The following GET1 variants were observed in gnomAD, a reference collection of about 807,000 sequenced individuals.
The protein encoded by GET1 is congenital heart disease 5 protein.
In GET1, 20 loss-of-function variants were observed where a neutral mutation model predicts 22.6. The observed-to-expected ratio is 0.89, with a 90% CI of 0.62 to 1.29. GET1 has a LOEUF of 1.29. Ranked by LOEUF, GET1 falls within the 50% of genes most tolerant of loss-of-function variation. The pLI is 0.00. For synonymous variants in GET1, 92 were observed against 83.8 expected (o/e 1.10, Z -0.53); for missense variants, 209 against 219.9 (o/e 0.95, Z 0.31).
chr21:39,404,071 A>G (rs902041464), intron 4 of GET1, among the ~76,000 whole-genome samples: 2 of 152,212 alleles, frequency 1.3e-5, no homozygotes, highest in Non-Finnish European at 2.9e-5. Context: ...TACAGTTAAT[A>G]TTACACACCA....
rs894127716 is a variant in GET1 at position 39,393,270 on chromosome 21, T to C, written c.441T>C (p.Thr147=). 1.2e-6 allele frequency: 2 copies of C among 1,613,684 alleles called. No individual in the cohort carries two copies. The highest frequency in any genetic ancestry group is 2.7e-5 in the African/African-American group (2 of 74,910). The part of the protein sequence containing the change: ...TPLDRLVAFP[T]RVAGGVGITC... ...TAGACCGCCTGGTAGCCTTTCCTAC[T>C]AGAGTAGCAGGTAAGAATTTTCTGG... Residue 147 remains threonine, a synonymous_variant, in exon 4 of 5, where the codon ACT becomes ACC. Coordinates refer to ENST00000649170, the MANE Select transcript of GET1 (RefSeq NM_004627.6).
chr21:39,420,652 C>G (rs2042147247), intron 1 of GET1: 1 of 1,456,480 alleles, frequency 6.9e-7, no homozygotes, highest in Non-Finnish European at 9.6e-7. Context: ...ATAAATAGCT[C>G]ATATATTTCG....
chr21:39,383,427 G>A (rs2037692069), intron 1 of GET1, among the ~76,000 whole-genome samples: 1 of 149,374 alleles, frequency 6.7e-6, no homozygotes, highest in African/African-American at 2.5e-5. Context: ...GATTACAGGT[G>A]CCCGCCACTA....
intron 1 of GET1, chr21:39,423,489 G>T (rs1341899116): frequency 1.9e-6 from 3 of 1,541,966 alleles, no homozygotes; most frequent in Non-Finnish European, 2.6e-6. Context: ...TTTCCTTCTG[G>T]CCTGTGTAAG....
chr21:39,401,085 TTTTTA>T (rs2038827475), downstream of GET1, among the ~76,000 whole-genome samples: 1 of 152,030 alleles, frequency 6.6e-6, no homozygotes, highest in African/African-American at 2.4e-5. Flanking sequence ...TGTTTCTCAT[TTTTTA>T]TTTTTGTAGA....
intron 4 of GET1, among the ~76,000 whole-genome samples, chr21:39,403,441 C>G (rs1220375365): frequency 6.6e-6 from 1 of 151,964 alleles, no homozygotes; most frequent in Non-Finnish European, 1.5e-5. Context: ...ATTCTCCCGC[C>G]TCAGCCTCTC....
chr21:39,393,346 A>G, intron 4 of GET1, 66 bp downstream of exon 4: 1 of 1,299,898 alleles, frequency 7.7e-7, no homozygotes, highest in Non-Finnish European at 1.1e-6. Context: ...GTGTGGTAGA[A>G]GATTAAGTTA....
chr21:39,418,614 C>T (rs2041726372), intron 1 of GET1, among the ~76,000 whole-genome samples: 1 of 152,104 alleles, frequency 6.6e-6, no homozygotes, highest in Admixed American at 6.5e-5. Flanking sequence ...AATTCTCCTG[C>T]CTCAGCCTCC....
At chr21:39,413,063 T>G (rs1283617866) in intron 1 of GET1, among the ~76,000 whole-genome samples, 2 of 152,228 alleles carry the variant, frequency 1.3e-5, no homozygotes, top group South Asian at 2.1e-4. Context: ...CAGGGGACAA[T>G]CACCAGGATT....
intron 1 of GET1, among the ~76,000 whole-genome samples, chr21:39,424,697 G>A (rs2837021): frequency 0.23 from 35,398 of 152,058 alleles, 4,693 homozygotes; most frequent in African/African-American, 0.36. Flanking sequence ...GAGTCTATCT[G>A]TTTATACAGA....
intron 1 of GET1, among the ~76,000 whole-genome samples, chr21:39,413,493 C>A (rs904592521): frequency 6.6e-6 from 1 of 152,098 alleles, no homozygotes; most frequent in Non-Finnish European, 1.5e-5. Context: ...TATTTTTGTA[C>A]CTGAATTGTA....
downstream of GET1, among the ~76,000 whole-genome samples, chr21:39,402,229 G>A (rs1013401768): frequency 6.6e-6 from 1 of 151,914 alleles, no homozygotes; most frequent in African/African-American, 2.4e-5. Flanking sequence ...TCAGCCTCCC[G>A]AGTAGCTGGG....
exon 2 of GET1, chr21:39,428,443 G>A (rs1302436521): frequency 1.9e-6 from 3 of 1,611,796 alleles, no homozygotes; most frequent in Non-Finnish European, 1.7e-6. Context: ...CTAATGCCAC[G>A]CCGAAGAAAT....
At chr21:39,385,672 C>G (rs905364843) in intron 1 of GET1, among the ~76,000 whole-genome samples, 1 of 152,198 alleles carries the variant, frequency 6.6e-6, no homozygotes, top group African/African-American at 2.4e-5. Context: ...GGCTGAGGGT[C>G]CATGCGAACG....
intron 1 of GET1, among the ~76,000 whole-genome samples, chr21:39,425,161 G>A (rs920973706): frequency 1.3e-5 from 2 of 152,222 alleles, no homozygotes; most frequent in African/African-American, 2.4e-5. Context: ...CTCTAAAAAT[G>A]TCTGATCCTC....
intron 1 of GET1, chr21:39,421,560 T>C (rs1216870963): frequency 5.9e-5 from 9 of 152,210 alleles, no homozygotes; most frequent in African/African-American, 1.9e-4. Context: ...TCCATAAATA[T>C]ATTCATCTGC....
downstream of GET1, chr21:39,410,006 G>A: frequency 6.3e-7 from 1 of 1,577,754 alleles, no homozygotes; most frequent in Non-Finnish European, 8.7e-7. Flanking sequence ...GAATCCTCTT[G>A]CTTTGGTAGT....
exon 5 of GET1, chr21:39,406,108 C>T (rs774249732): frequency 1.2e-6 from 2 of 1,614,206 alleles, no homozygotes; most frequent in Non-Finnish European, 1.7e-6. Context: ...CATGAGACTG[C>T]TTTTCTTATC....
intron 1 of GET1, among the ~76,000 whole-genome samples, chr21:39,413,290 G>C (rs977540927): frequency 6.6e-6 from 1 of 152,138 alleles, no homozygotes; most frequent in Non-Finnish European, 1.5e-5. Flanking sequence ...TCTCCACTGA[G>C]ACAGAAGATA....
Sources: gnomAD v4.1 joint callset for allele counts (sites outside exome capture counted in the v4.1 genomes callset) on GRCh38, gnomAD v4.1.1 for gene constraint, MANE v1.5 for transcripts, NCBI Gene and HGNC (gene_info 2026-07-23, HGNC 2026-07-21) for gene names.